CLOCK: variants seen among roughly 807,000 people sequenced by gnomAD.
The protein encoded by CLOCK is clock circadian regulator.
In CLOCK, 43 loss-of-function variants were observed where a neutral mutation model predicts 118.4. The ratio of observed to expected loss-of-function variants is 0.36; its 90% CI spans 0.28 to 0.47. The LOEUF is 0.47. CLOCK is among the 20% of genes least tolerant of loss of function. The pLI is 1.00. For synonymous variants in CLOCK, 326 were observed against 339.2 expected, an observed-to-expected ratio of 0.96 and a Z score of 0.43; for missense variants, 846 against 999.9, an observed-to-expected ratio of 0.85 and a Z score of 2.08.
intron 2 of CLOCK, among the ~76,000 whole-genome samples, chr4:55,493,029 C>T (rs1255072272): frequency 1.3e-5 from 2 of 151,964 alleles, no homozygotes; most frequent in Non-Finnish European, 2.9e-5. Flanking sequence ...TCTAAAATTT[C>T]TCCCATGAAC....
At chr4:55,538,132 TAC>T (rs1372735086) in intron 1 of CLOCK, among the ~76,000 whole-genome samples, 3 of 152,204 alleles carry the variant, frequency 2.0e-5, no homozygotes, top group Non-Finnish European at 4.4e-5. Context: ...TTAGACTCAT[TAC>T]ACTTTCTACA....
At chr4:55,486,716 G>A (rs555332754) in intron 3 of CLOCK, among the ~76,000 whole-genome samples, 2 of 152,156 alleles carry the variant, frequency 1.3e-5, no homozygotes, top group African/African-American at 2.4e-5. Flanking sequence ...CCAGTGTGGT[G>A]TCAAGAAGTG....
intron 1 of CLOCK, 108 bp from the exon 2 acceptor site, chr4:55,510,173 T>G (rs1729048807): frequency 6.6e-6 from 1 of 152,228 alleles, no homozygotes; most frequent in African/African-American, 2.4e-5. Flanking sequence ...GCGAGCCTCC[T>G]CTACGTGCCA....
chr4:55,483,955 A>G (rs1727115102), intron 3 of CLOCK, among the ~76,000 whole-genome samples: 1 of 152,186 alleles, frequency 6.6e-6, no homozygotes, highest in African/African-American at 2.4e-5. Flanking sequence ...AATACTCCAA[A>G]ATCTGAAAGC....
At chr4:55,495,485 T>C (rs1728005397) in intron 2 of CLOCK, among the ~76,000 whole-genome samples, 1 of 152,124 alleles carries the variant, frequency 6.6e-6, no homozygotes, top group African/African-American at 2.4e-5. Context: ...TGTAACTCAC[T>C]GTCATTTCTG....
At position 55,444,797 on chromosome 4, in the gene CLOCK, T is replaced by C. The variant is rs749706828; in HGVS notation, c.1540-12A>G. ...GCTGAAAACTGAAACTGAAGTACCA[T>C]GTACGGAAAAAGTGTAATATATTTT... On this transcript the variant is annotated splice_polypyrimidine_tract_variant and intron_variant, in intron 18 of 22. Transcript: ENST00000513440. 9 of 1,613,304 alleles carry C rather than the reference T, an allele frequency of 5.6e-6. No individual in the cohort carries two copies. Among genetic ancestry groups the C allele is most frequent in the Admixed American group, 1.7e-5 (1 of 59,948 alleles).
At chr4:55,504,651 CTT>C (rs2110003876) in intron 2 of CLOCK, among the ~76,000 whole-genome samples, 1 of 152,170 alleles carries the variant, frequency 6.6e-6, no homozygotes, top group African/African-American at 2.4e-5. Context: ...TCAATAAAAA[CTT>C]AGTAAATTGT....
chr4:55,542,582 C>A (rs1476715025), intron 1 of CLOCK, among the ~76,000 whole-genome samples: 3 of 151,754 alleles, frequency 2.0e-5, no homozygotes, highest in Admixed American at 1.3e-4. Context: ...TGGTTTAAAA[C>A]AAACCCTCTG....
At chr4:55,505,339 G>A (rs1276455365) in intron 2 of CLOCK, among the ~76,000 whole-genome samples, 1 of 151,984 alleles carries the variant, frequency 6.6e-6, no homozygotes, top group Non-Finnish European at 1.5e-5. Flanking sequence ...AATACTCTAA[G>A]TGTATTTTTA....
intron 6 of CLOCK, among the ~76,000 whole-genome samples, chr4:55,477,069 T>C (rs1287972823): frequency 3.9e-5 from 6 of 152,248 alleles, no homozygotes; most frequent in African/African-American, 1.2e-4. Context: ...ACATCAATTA[T>C]ATACATTTGG....
At chr4:55,472,148 G>C (rs1726190254) in intron 7 of CLOCK, among the ~76,000 whole-genome samples, 1 of 152,096 alleles carries the variant, frequency 6.6e-6, no homozygotes, top group East Asian at 1.9e-4. Flanking sequence ...AGGAATCAAT[G>C]GAAGAAAGAA....
rs111815033 is a variant in CLOCK at position 55,448,580 on chromosome 4, ATG to A, written c.1539+197_1539+198del. ...ACTGCATCTGTAACTATAATTATAT[ATG>A]TGCGCGCGCGCACGCGCGCGTGTGT... On this transcript the variant is annotated intron_variant, in intron 18 of 22. Transcript: ENST00000513440. Among the ~76,000 whole-genome samples the A allele has an allele frequency of 2.0e-3, 283 of 141,458 alleles. 2 individuals are homozygous for A. Among genetic ancestry groups the A allele is most frequent in the African/African-American group, 6.2e-3 (241 of 38,828 alleles). 92.8% of individuals were successfully genotyped at this position (141,458 alleles called of 152,430 possible).
At position 55,546,780 on chromosome 4, in the gene CLOCK, A is replaced by G. The variant is rs1731668606; in HGVS notation, c.-290+2T>C. On this transcript the variant is annotated splice_donor_variant, in intron 1 of 22. Transcript: ENST00000513440. LOFTEE classifies it low-confidence loss of function (5UTR_SPLICE). ...TGGGCCCACCGGGCGGGCGCCTCTC[A>G]CCGGGAGCGCTCGCGGCGGCGGCGG... The G allele has an allele frequency of 6.7e-6, 1 of 149,212 alleles. No individual in the cohort carries two copies. Among genetic ancestry groups the G allele is most frequent in the Non-Finnish European group, 1.5e-5 (1 of 67,388 alleles). 9.2% of individuals were successfully genotyped at this position (149,212 alleles called of 1,614,324 possible). A position where few individuals can be genotyped will look rare whatever the true frequency, so the allele number is the denominator to read the frequency against.
rs1251396140 is a variant in CLOCK at position 55,430,181 on chromosome 4, T to G, written c.*5234A>C. On this transcript the variant is annotated 3_prime_UTR_variant, in exon 23 of 23. Transcript: ENST00000513440. Reference sequence around the variant, plus strand: ...ATTCTTTCATAAATACTTACTAGTTTGATTGTCACTTAATGCAGCACCTCA... The same window carrying G: ...ATTCTTTCATAAATACTTACTAGTTGGATTGTCACTTAATGCAGCACCTCA... The G allele has an allele frequency of 6.6e-6, 1 of 151,948 alleles. No individual in the cohort carries two copies. Among genetic ancestry groups the G allele is most frequent in the Non-Finnish European group, 1.5e-5 (1 of 67,970 alleles). The allele number at this position is 151,948 out of a possible 1,614,324, so 9.4% of individuals were successfully genotyped here.
intron 7 of CLOCK, among the ~76,000 whole-genome samples, chr4:55,475,474 T>C (rs1053742828): frequency 6.6e-6 from 1 of 152,228 alleles, no homozygotes; most frequent in Non-Finnish European, 1.5e-5. Context: ...GACTGTAATT[T>C]TGAAAGAAGT....
intron 1 of CLOCK, among the ~76,000 whole-genome samples, chr4:55,540,090 C>A (rs1731165700): frequency 6.6e-6 from 1 of 151,516 alleles, no homozygotes; most frequent in African/African-American, 2.4e-5. Context: ...TCACTGCAAC[C>A]TCTGCCTCCT....
intron 1 of CLOCK, among the ~76,000 whole-genome samples, 187 bp from the exon 2 acceptor site, chr4:55,510,252 GA>G (rs1729053013): frequency 6.6e-6 from 1 of 152,158 alleles, no homozygotes; most frequent in Non-Finnish European, 1.5e-5. Flanking sequence ...CCGTAAATGG[GA>G]CAAAAAGTTT....
chr4:55,543,741 G>C lies in CLOCK; in HGVS notation c.-290+3041C>G, dbSNP rs1208266777. On this transcript the variant is annotated intron_variant, in intron 1 of 22. Transcript: ENST00000513440. Reference sequence around the variant, plus strand: ...TGCAGTGAGCCAAGATCGTGCCACTGCACTCCGGCCTGGTGACAGAGCAAG... The same window carrying C: ...TGCAGTGAGCCAAGATCGTGCCACTCCACTCCGGCCTGGTGACAGAGCAAG... Among the ~76,000 whole-genome samples, 6 of 151,582 alleles carry C rather than the reference G, an allele frequency of 4.0e-5. No homozygotes were observed. The South Asian group carries it at 1.2e-3, about 32-fold the overall frequency.
chr4:55,479,759 G>C, intron 4 of CLOCK, 60 bp from the exon 5 acceptor site: 1 of 1,328,962 alleles, frequency 7.5e-7, no homozygotes, highest in Non-Finnish European at 1.1e-6. Flanking sequence ...CAATACTAAA[G>C]TGACATGTAA....
Sources: gnomAD v4.1 joint callset for allele counts (sites outside exome capture counted in the v4.1 genomes callset) on GRCh38, gnomAD v4.1.1 for gene constraint, MANE v1.5 for transcripts, NCBI Gene and HGNC (gene_info 2026-07-23, HGNC 2026-07-21) for gene names.